FGF14: variants seen among roughly 807,000 people sequenced by gnomAD.
FGF14 encodes the protein fibroblast growth factor 14, also known as fibroblast growth factor homologous factor 4.
In FGF14, 5 loss-of-function variants were observed where a neutral mutation model predicts 25.5. The observed-to-expected ratio is 0.20, with a 90% CI of 0.10 to 0.41. The LOEUF (loss-of-function observed/expected upper bound fraction) is 0.41. Among genes scored for constraint, FGF14 ranks in the 10% least tolerant of loss-of-function variants. FGF14 has a pLI of 1.00. For synonymous variants in FGF14, 138 were observed against 118.3 expected (o/e 1.17, Z -1.08); for missense variants, 222 against 320.1 (o/e 0.69, Z 2.34).
At chr13:101,821,415 T>C (rs551785095) in intron 3 of FGF14, among the ~76,000 whole-genome samples, 1 of 152,218 alleles carries the variant, frequency 6.6e-6, no homozygotes, top group Non-Finnish European at 1.5e-5. Context: ...GTTATGAATA[T>C]GTTGTAATTT....
At chr13:102,329,186 A>T (rs1385978523) in intron 1 of FGF14, among the ~76,000 whole-genome samples, 1 of 152,150 alleles carries the variant, frequency 6.6e-6, no homozygotes, top group Non-Finnish European at 1.5e-5. Flanking sequence ...CTACTAGTAC[A>T]AAAGCTCATG....
intron 1 of FGF14, among the ~76,000 whole-genome samples, chr13:102,310,696 T>TGTG (rs1269681335): frequency 0.088 from 300 of 3,408 alleles, 58 homozygotes; most frequent in Admixed American, 0.11. Context: ...TGTGTGTGTG[T>TGTG]GGGGGGGGGG....
intron 1 of FGF14, among the ~76,000 whole-genome samples, chr13:102,255,451 G>A (rs1343945784): frequency 6.6e-6 from 1 of 152,168 alleles, no homozygotes; most frequent in East Asian, 1.9e-4. Context: ...TAAAGCAGAT[G>A]AGAGGGGGAA....
intron 1 of FGF14, among the ~76,000 whole-genome samples, chr13:102,224,374 C>T (rs1183954097): frequency 2.0e-5 from 3 of 152,020 alleles, no homozygotes; most frequent in Non-Finnish European, 4.4e-5. Context: ...TGATCTTTTC[C>T]TAAGAAAGAA....
intron 1 of FGF14, among the ~76,000 whole-genome samples, chr13:102,247,999 A>C (rs1329781252): frequency 6.6e-6 from 1 of 152,188 alleles, no homozygotes; most frequent in Non-Finnish European, 1.5e-5. Flanking sequence ...ATGGAAAGCC[A>C]AATAGTGCAT....
intron 1 of FGF14, chr13:102,394,661 G>A (rs1056148470): frequency 6.6e-6 from 1 of 152,296 alleles, no homozygotes; most frequent in Non-Finnish European, 1.5e-5. Flanking sequence ...GCCGAGGCTG[G>A]GAGCGCGGTG....
chr13:101,732,071 A>C (rs1185779646), intron 3 of FGF14, among the ~76,000 whole-genome samples: 1 of 152,176 alleles, frequency 6.6e-6, no homozygotes, highest in African/African-American at 2.4e-5. Context: ...TTCCCAAGTT[A>C]AACTTGGATT....
chr13:102,242,988 G>A (rs1375951310), intron 1 of FGF14, among the ~76,000 whole-genome samples: 1 of 152,078 alleles, frequency 6.6e-6, no homozygotes, highest in Non-Finnish European at 1.5e-5. Flanking sequence ...CAATGGAAGT[G>A]AGTAAAAACA....
chr13:102,092,189 C>A (rs1289824345), intron 1 of FGF14, among the ~76,000 whole-genome samples: 1 of 152,148 alleles, frequency 6.6e-6, no homozygotes, highest in Non-Finnish European at 1.5e-5. Context: ...AGTGCAGTTC[C>A]ATTCCTGGGA....
chr13:102,003,739 A>C (rs2039633103), intron 1 of FGF14, among the ~76,000 whole-genome samples: 1 of 151,732 alleles, frequency 6.6e-6, no homozygotes, highest in Non-Finnish European at 1.5e-5. Flanking sequence ...GAAATACCTG[A>C]AGAAGCAAGG....
chr13:101,809,972 T>A (rs970373789), intron 3 of FGF14, among the ~76,000 whole-genome samples: 1 of 152,166 alleles, frequency 6.6e-6, no homozygotes, highest in African/African-American at 2.4e-5. Flanking sequence ...ACCTAACTAC[T>A]TAAGATCTTG....
At chr13:102,264,238 A>C (rs916599739) in intron 1 of FGF14, among the ~76,000 whole-genome samples, 1 of 151,898 alleles carries the variant, frequency 6.6e-6, no homozygotes, top group African/African-American at 2.4e-5. Flanking sequence ...CTTTCTCATG[A>C]GATTCATACT....
intron 1 of FGF14, among the ~76,000 whole-genome samples, chr13:101,991,785 A>G (rs960486618): frequency 1.6e-4 from 24 of 152,216 alleles, no homozygotes; most frequent in Admixed American, 1.2e-3. Flanking sequence ...AGAGTAAAAA[A>G]TCTGAGGAAA....
intron 1 of FGF14, among the ~76,000 whole-genome samples, chr13:101,939,254 T>C (rs2139302285): frequency 6.6e-6 from 1 of 152,336 alleles, no homozygotes; most frequent in East Asian, 1.9e-4. Context: ...TCATAGATAT[T>C]CTTGGTTTCC....
chr13:101,975,233 T>C (rs1363606578), intron 1 of FGF14, among the ~76,000 whole-genome samples: 3 of 152,050 alleles, frequency 2.0e-5, no homozygotes, highest in African/African-American at 7.2e-5. Context: ...TCTTTTCACC[T>C]CCTACCTTGT....
chr13:102,307,835 A>T (rs1367593859), intron 1 of FGF14, among the ~76,000 whole-genome samples: 1 of 152,122 alleles, frequency 6.6e-6, no homozygotes, highest in Non-Finnish European at 1.5e-5. Flanking sequence ...GCAGCTCTCT[A>T]ACAGGAGCAA....
intron 1 of FGF14, among the ~76,000 whole-genome samples, chr13:102,259,908 T>A (rs1389702886): frequency 6.6e-6 from 1 of 152,236 alleles, no homozygotes; most frequent in East Asian, 1.9e-4. Flanking sequence ...TTTTTCTGCA[T>A]CTTTTAAAAA....
At chr13:101,723,954 C>T (rs1258049235) in intron 4 of FGF14, among the ~76,000 whole-genome samples, 1 of 152,056 alleles carries the variant, frequency 6.6e-6, no homozygotes. Flanking sequence ...AGATGAACTA[C>T]CATATGCATT....
chr13:102,197,799 T>C (rs2049430619), intron 1 of FGF14, among the ~76,000 whole-genome samples: 1 of 152,256 alleles, frequency 6.6e-6, no homozygotes, highest in Non-Finnish European at 1.5e-5. Flanking sequence ...CCATCCAAAA[T>C]AGTTTTAGAT....
Sources: allele counts gnomAD v4.1 joint callset (sites outside exome capture counted in the v4.1 genomes callset), GRCh38; gene constraint gnomAD v4.1.1; transcripts MANE v1.5; gene names NCBI Gene and HGNC (gene_info 2026-07-23, HGNC 2026-07-21).